GPATCH3: variants seen among roughly 807,000 people sequenced by gnomAD.
GPATCH3 encodes G patch domain-containing protein 3.
A neutral mutation model predicts 53.2 loss-of-function variants in GPATCH3; 45 were observed. The ratio of observed to expected loss-of-function variants is 0.85; its 90% CI spans 0.67 to 1.08. GPATCH3 has a LOEUF of 1.08. Among genes scored for constraint, GPATCH3 ranks in the 50% least tolerant of loss-of-function variants. The pLI, the probability that GPATCH3 is intolerant of heterozygous loss-of-function variation, is 0.00. For missense variants in GPATCH3, 680 were observed against 687.2 expected (o/e 0.99, Z 0.12); for synonymous variants, 280 against 270.6 (o/e 1.03, Z -0.34).
Position 26,897,360 on chromosome 1 carries a change from AG to A in GPATCH3, c.816del (p.Cys273ValfsTer38), listed in dbSNP as rs760198647. The A allele has an allele frequency of 1.5e-5, 25 of 1,614,120 alleles. No homozygotes were observed. In the African/African-American group the frequency reaches 2.7e-4, roughly 17 times the overall value. ...GTYLADIPAS[P>X]CGEPEEEVGK... The stretch of plus-strand genomic sequence containing the variant: ...CCCACTTCTTCCTCAGGCTCTCCAC[AG>A]GGGCTGGCTGGTATATCTGCCAGGT... On this transcript the variant is annotated frameshift_variant, in exon 2 of 7. Coordinates refer to ENST00000361720, the MANE Select transcript of GPATCH3 (RefSeq NM_022078.3). LOFTEE classifies it high-confidence loss of function.
intron 2 of GPATCH3, among the ~76,000 whole-genome samples, chr1:26,897,021 C>CAAAA (rs5773170): frequency 1.0e-5 from 1 of 98,364 alleles, no homozygotes. Flanking sequence ...GACTCCGTCT[C>CAAAA]AAAAAAAAAA....
At position 26,892,410 on chromosome 1, in the gene GPATCH3, C is replaced by A. The variant is rs772507921; in HGVS notation, c.1361+1G>T. Reference sequence around the variant, plus strand: ...CAGGGAAGTCCCTCAGTCACACTTACCCCAATCCACGCTTGCATCTGGGGT... The same window carrying A: ...CAGGGAAGTCCCTCAGTCACACTTAACCCAATCCACGCTTGCATCTGGGGT... On this transcript the variant is annotated splice_donor_variant, in intron 6 of 6. Transcript: ENST00000361720. LOFTEE classifies it high-confidence loss of function. The A allele has an allele frequency of 1.2e-6, 2 of 1,611,832 alleles. No individual in the cohort carries two copies. Among genetic ancestry groups the A allele is most frequent in the Admixed American group, 1.7e-5 (1 of 59,962 alleles).
Position 26,894,342 on chromosome 1 carries a change from C to T in GPATCH3, c.945G>A (p.Arg315=), listed in dbSNP as rs753766754. 6.2e-7 allele frequency: 1 copy of T among 1,614,138 alleles called. No individual in the cohort carries two copies. Among genetic ancestry groups the T allele is most frequent in the South Asian group, 1.1e-5 (1 of 91,064 alleles). ...CCTCCTCAAAGAGCTGCTCAGTGGT[C>T]CGCTCCTGCCCGGTCACGTCCTCAT... ...ALHEDVTGQE[R]TTEQLFEEEI... Residue 315 remains arginine (R), a synonymous_variant, in exon 3 of 7, where the codon CGG becomes CGA. Coordinates refer to ENST00000361720, the MANE Select transcript of GPATCH3 (RefSeq NM_022078.3).
In GPATCH3 at chr1:26,900,259, G is replaced by C; in HGVS notation, c.184C>G (p.Pro62Ala). The change falls in exon 1 of 7, where the codon CCT (proline) becomes GCT (alanine). Residue 62 changes from proline to alanine, a missense_variant. Coordinates refer to ENST00000361720, the MANE Select transcript of GPATCH3 (RefSeq NM_022078.3). ...TCGGTAGGAATTAGGGCAGAGTTAG[G>C]AGCGGCCTGCGGAGGGGCCCGCTCA... is the stretch of plus-strand genomic sequence containing the variant. ...RPERAPPQAA[P>A]NSALIPTDPA... 2 of 1,614,096 alleles carry C rather than the reference G, an allele frequency of 1.2e-6. No homozygotes were observed. The highest frequency in any genetic ancestry group is 1.7e-6 in the Non-Finnish European group (2 of 1,180,046).
chr1:26,900,397 C>G lies in GPATCH3; in HGVS notation c.46G>C (p.Val16Leu). Reference sequence around the variant, plus strand: ...AACACGGAGGGGATACCGCTCACTACCAGGTAAACTGTCGCCTCCTCCTCC... The same window carrying G: ...AACACGGAGGGGATACCGCTCACTAGCAGGTAAACTGTCGCCTCCTCCTCC... ...EAEEEATVYL[V>L]VSGIPSVLRS... Residue 16 changes from valine to leucine, a missense_variant, in exon 1 of 7, where the codon GTA becomes CTA. Physicochemically the swap from Val to Leu is conservative, Grantham distance 32. Transcript: ENST00000361720. The G allele has an allele frequency of 6.2e-7, 1 of 1,613,240 alleles. No homozygotes were observed.
rs940540430 is a variant in GPATCH3, at chr1:26,898,491, T to C, written c.452-766A>G. 2.0e-5 allele frequency among the ~76,000 whole-genome samples: 3 copies of C among 151,924 alleles called. No individual in the cohort carries two copies. In the East Asian group the frequency reaches 5.8e-4, roughly 29 times the overall value. On this transcript the variant is annotated intron_variant, in intron 1 of 6. Transcript: ENST00000361720. Reference sequence around the variant, plus strand: ...TGCCACCATGCCTGGCTGATTTTTGTATTTCTAGTACAGACAGGGTTACGC... The same window carrying C: ...TGCCACCATGCCTGGCTGATTTTTGCATTTCTAGTACAGACAGGGTTACGC...
intron 2 of GPATCH3, 59 bp from the exon 3 acceptor site, chr1:26,894,469 G>A: frequency 1.3e-6 from 2 of 1,530,620 alleles, no homozygotes; most frequent in Non-Finnish European, 9.0e-7. Flanking sequence ...CCGAGGGAGG[G>A]AAGCTCAGGG....
intron 6 of GPATCH3, 101 bp downstream of exon 6, chr1:26,892,310 G>A (rs911704295): frequency 2.6e-5 from 36 of 1,398,096 alleles, no homozygotes; most frequent in Non-Finnish European, 3.5e-5. Flanking sequence ...ATTTCATCCC[G>A]CACGAGTACC....
In GPATCH3 at chr1:26,892,629, A is replaced by G. The variant is rs2081933143; in HGVS notation, c.1233+41T>C. The G allele has an allele frequency of 2.5e-6, 4 of 1,610,274 alleles. No individual in the cohort carries two copies. In the African/African-American group the frequency reaches 5.3e-5, roughly 22 times the overall value. ...GGAGAAGGAATTAAAGTAGAGAAGG[A>G]AAAGAGAGGGGTCCATGGGGTGGGC... is the stretch of plus-strand genomic sequence containing the variant. On this transcript the variant is annotated intron_variant, in intron 5 of 6. Coordinates refer to ENST00000361720, the MANE Select transcript of GPATCH3 (RefSeq NM_022078.3).
rs770643790 is a variant in GPATCH3, at chr1:26,891,119, G to A, written c.1469C>T (p.Thr490Met). The A allele has an allele frequency of 1.7e-5, 28 of 1,614,018 alleles. No homozygotes were observed. The highest frequency in any genetic ancestry group is 1.2e-4 in the African/African-American group (9 of 74,900). ...IYDEPLPQDQ[T>M]ESLLRRQPPT... ...TGGCTGGCGGCGGAGCAGTGACTCC[G>A]TCTGGTCTTGGGGTAGAGGCTCATC... The change falls in exon 7 of 7, where the codon ACG (threonine) becomes ATG (methionine). Residue 490 changes from threonine to methionine, a missense_variant. Transcript: ENST00000361720.
chr1:26,897,779 G>C, intron 1 of GPATCH3, 54 bp from the exon 2 acceptor site: 1 of 1,446,810 alleles, frequency 6.9e-7, no homozygotes, highest in African/African-American at 1.4e-5. Flanking sequence ...AGCAACACTT[G>C]AGCCAGAAAT....
rs2081956577 is a variant in GPATCH3 at position 26,897,520 on chromosome 1, C to T, written c.657G>A (p.Leu219=). Reference sequence around the variant, plus strand: ...AACCTGTCTTGGGGAACTGGAGCTGCAGCTGGGTGATGATCCGAGGGGGTA... The same window carrying T: ...AACCTGTCTTGGGGAACTGGAGCTGTAGCTGGGTGATGATCCGAGGGGGTA... The part of the protein sequence containing the change: ...CRLPPRIITQ[L]QLQFPKTGSS... The change falls in exon 2 of 7, where the codon CTG becomes CTA. Residue 219 remains leucine, a synonymous_variant. Coordinates refer to ENST00000361720, the MANE Select transcript of GPATCH3 (RefSeq NM_022078.3). The T allele has an allele frequency of 6.2e-7, 1 of 1,614,108 alleles. No individual in the cohort carries two copies. The highest frequency in any genetic ancestry group is 8.5e-7 in the Non-Finnish European group (1 of 1,180,046).
In GPATCH3 at chr1:26,890,760, C is replaced by G; in HGVS notation, c.*250G>C. On this transcript the variant is annotated 3_prime_UTR_variant, in exon 7 of 7. Transcript: ENST00000361720. ...AGTTCTGCAGGAGGCAAAGGGCAAG[C>G]CCAGAGATTAGGGTTAGAGACCAAA... 1.4e-6 allele frequency: 1 copy of G among 715,272 alleles called. No homozygotes were observed. 44.3% of individuals were successfully genotyped at this position (715,272 alleles called of 1,614,324 possible). A position where few individuals can be genotyped will look rare whatever the true frequency, so the allele number is the denominator to read the frequency against.
intron 3 of GPATCH3, 45 bp from the exon 4 acceptor site, chr1:26,893,493 C>T (rs2081937522): frequency 8.5e-7 from 1 of 1,171,622 alleles, no homozygotes; most frequent in Middle Eastern, 2.0e-4. Context: ...TAAGGACTCT[C>T]AGTTCTATTA....
intron 1 of GPATCH3, 74 bp downstream of exon 1, chr1:26,899,918 T>C: frequency 1.5e-6 from 2 of 1,373,132 alleles, no homozygotes; most frequent in Non-Finnish European, 1.0e-6. Flanking sequence ...GCCTGACTTA[T>C]CCTCACCACT....
rs1171664707 is a variant in GPATCH3, at chr1:26,892,392, G to A, written c.1361+19C>T. ...CTGAAAGGCTTGGGCCCCCAGGGAA[G>A]TCCCTCAGTCACACTTACCCCAATC... is the stretch of plus-strand genomic sequence containing the variant. On this transcript the variant is annotated intron_variant, in intron 6 of 6. Transcript: ENST00000361720. 6.2e-7 allele frequency: 1 copy of A among 1,602,802 alleles called. No homozygotes were observed. The highest frequency in any genetic ancestry group is 2.2e-5 in the East Asian group (1 of 44,528).
intron 2 of GPATCH3, 63 bp from the exon 3 acceptor site, chr1:26,894,473 C>G (rs1057050501): frequency 4.4e-5 from 67 of 1,523,356 alleles, no homozygotes; most frequent in Non-Finnish European, 5.5e-5. Context: ...GGGAGGGAAG[C>G]TCAGGGCACA....
Position 26,890,670 on chromosome 1 carries a change from T to C in GPATCH3, c.*340A>G, listed in dbSNP as rs1000523785. The C allele has an allele frequency of 2.2e-6, 1 of 450,716 alleles. No homozygotes were observed. The highest frequency in any genetic ancestry group is 4.4e-6 in the Non-Finnish European group (1 of 229,272). The allele number at this position is 450,716 out of a possible 1,614,324, so 27.9% of individuals were successfully genotyped here. A position where few individuals can be genotyped will look rare whatever the true frequency, so the allele number is the denominator to read the frequency against. Reference sequence around the variant, plus strand: ...TCCCTTTCCCCCTTTCTGGCCTTCGTGGGGACACCTTCAGAGTCCCCAAGG... The same window carrying C: ...TCCCTTTCCCCCTTTCTGGCCTTCGCGGGGACACCTTCAGAGTCCCCAAGG... On this transcript the variant is annotated 3_prime_UTR_variant, in exon 7 of 7. Coordinates refer to ENST00000361720, the MANE Select transcript of GPATCH3 (RefSeq NM_022078.3).
At position 26,892,669 on chromosome 1, in the gene GPATCH3, C is replaced by T. The variant is rs766951243; in HGVS notation, c.1233+1G>A. Reference sequence around the variant, plus strand: ...ATGGGGTGGGCACAGTGCTAACTCACCTTGGTGTGGCGCTCAAAGGTGCCC... The same window carrying T: ...ATGGGGTGGGCACAGTGCTAACTCATCTTGGTGTGGCGCTCAAAGGTGCCC... On this transcript the variant is annotated splice_donor_variant, in intron 5 of 6. Transcript: ENST00000361720. LOFTEE classifies it high-confidence loss of function. 2 of 1,614,134 alleles carry T rather than the reference C, an allele frequency of 1.2e-6. No homozygotes were observed. Among genetic ancestry groups the T allele is most frequent in the Non-Finnish European group, 1.7e-6 (2 of 1,180,022 alleles).
Sources: allele counts gnomAD v4.1 joint callset (sites outside exome capture counted in the v4.1 genomes callset), GRCh38; gene constraint gnomAD v4.1.1; transcripts MANE v1.5; gene names NCBI Gene and HGNC (gene_info 2026-07-23, HGNC 2026-07-21).